STPG2: variants seen among roughly 807,000 people sequenced by gnomAD.
The protein encoded by STPG2 is sperm-tail PG-rich repeat-containing protein 2.
Under a neutral mutation model 54.2 loss-of-function variants are expected in STPG2, and 56 were observed. The ratio of observed to expected loss-of-function variants is 1.03; its 90% CI spans 0.83 to 1.29. STPG2 has a LOEUF of 1.29. Among genes scored for constraint, STPG2 ranks in the 50% most tolerant of loss-of-function variants. The pLI is 0.00. For synonymous variants in STPG2, 200 were observed against 181.8 expected (o/e 1.10, Z -0.81); for missense variants, 596 against 544.9 (o/e 1.09, Z -0.93).
chr4:97,571,578 T>A (rs1028512080), intron 10 of STPG2, among the ~76,000 whole-genome samples: 1 of 152,142 alleles, frequency 6.6e-6, no homozygotes, highest in Non-Finnish European at 1.5e-5. Flanking sequence ...TGATCCCAGG[T>A]CTTTGGATAA....
intron 8 of STPG2, among the ~76,000 whole-genome samples, chr4:97,857,871 T>C (rs181267842): frequency 6.6e-6 from 1 of 152,112 alleles, no homozygotes; most frequent in African/African-American, 2.4e-5. Context: ...TCAAGTAGAC[T>C]TTCTAGAGTT....
chr4:97,594,875 A>C (rs1733242301), intron 10 of STPG2, among the ~76,000 whole-genome samples: 1 of 152,222 alleles, frequency 6.6e-6, no homozygotes, highest in South Asian at 2.1e-4. Context: ...GCCTTCAGAG[A>C]AATGCAAATC....
At chr4:97,823,422 A>G (rs1728147495) in intron 9 of STPG2, among the ~76,000 whole-genome samples, 1 of 152,202 alleles carries the variant, frequency 6.6e-6, no homozygotes, top group Admixed American at 6.5e-5. Context: ...GTGAATGCAC[A>G]TCTGATTACA....
intron 5 of STPG2, among the ~76,000 whole-genome samples, chr4:98,034,567 T>C (rs1271485129): frequency 6.6e-6 from 1 of 152,110 alleles, no homozygotes; most frequent in African/African-American, 2.4e-5. Flanking sequence ...CAAGCTACCA[T>C]TGACATTCTT....
chr4:97,770,299 T>G (rs1726179570), intron 9 of STPG2, among the ~76,000 whole-genome samples: 1 of 151,922 alleles, frequency 6.6e-6, no homozygotes, highest in Admixed American at 6.6e-5. Context: ...AAATGTGCAG[T>G]TATCAGGAAA....
At chr4:97,733,860 T>C (rs927806753) in intron 9 of STPG2, among the ~76,000 whole-genome samples, 1 of 152,212 alleles carries the variant, frequency 6.6e-6, no homozygotes, top group Non-Finnish European at 1.5e-5. Context: ...GTTTACTCGA[T>C]ATTTTGGTTT....
At chr4:97,633,983 G>A (rs895250943) in intron 10 of STPG2, among the ~76,000 whole-genome samples, 1 of 152,190 alleles carries the variant, frequency 6.6e-6, no homozygotes. Flanking sequence ...ACTGGGTGGA[G>A]CCCACCACAG....
intron 5 of STPG2, among the ~76,000 whole-genome samples, chr4:98,070,017 C>G (rs764295820): frequency 3.3e-5 from 5 of 151,986 alleles, no homozygotes; most frequent in African/African-American, 7.3e-5. Flanking sequence ...AGGAGGGACT[C>G]CTACCTGACT....
intron 10 of STPG2, among the ~76,000 whole-genome samples, chr4:97,579,162 A>C (rs555369457): frequency 1.3e-5 from 2 of 152,192 alleles, no homozygotes; most frequent in African/African-American, 4.8e-5. Context: ...GATAATAATA[A>C]TCATTAGTTA....
chr4:97,712,787 CT>C lies in STPG2; in HGVS notation c.1231del (p.Arg411GlyfsTer10). On this transcript the variant is annotated frameshift_variant, in exon 10 of 11. Transcript: ENST00000295268. LOFTEE classifies it high-confidence loss of function. ...AAATAAGGGTATGGGGCAAGATTTCCTTAAAACAGGATTGTATGCTGCAGGA... is the reference window on the plus strand; with the variant it reads ...AAATAAGGGTATGGGGCAAGATTTCCTAAAACAGGATTGTATGCTGCAGGA... ...PGPAAYNPVL[R>X]KSCPIPLFVK... is the part of the protein sequence containing the mutation. The C allele has an allele frequency of 6.2e-7, 1 of 1,607,308 alleles. No individual in the cohort carries two copies. Among genetic ancestry groups the C allele is most frequent in the Non-Finnish European group, 8.5e-7 (1 of 1,175,988 alleles).
At chr4:97,917,386 A>C (rs1174065687) in intron 8 of STPG2, 2 of 152,262 alleles carry the variant, frequency 1.3e-5, no homozygotes, top group Non-Finnish European at 2.9e-5. Flanking sequence ...CACTGCCTGC[A>C]GAGCACTGCC....
chr4:97,949,854 T>C (rs1267225067), intron 7 of STPG2, among the ~76,000 whole-genome samples: 2 of 150,740 alleles, frequency 1.3e-5, no homozygotes, highest in Non-Finnish European at 2.9e-5. Context: ...TAGATGACTA[T>C]ATGCCTTTGT....
intron 4 of STPG2, 21 bp downstream of exon 4, chr4:98,109,170 GTA>G (rs1315771444): frequency 7.3e-7 from 1 of 1,371,044 alleles, no homozygotes; most frequent in Admixed American, 2.0e-5. Flanking sequence ...TACATTAAAG[GTA>G]TACTATATTT....
At chr4:97,961,501 C>T (rs903721509) in intron 7 of STPG2, among the ~76,000 whole-genome samples, 12 of 152,116 alleles carry the variant, frequency 7.9e-5, no homozygotes, top group East Asian at 7.7e-4. Context: ...CAAACTCAAC[C>T]AAATTAGCAA....
At chr4:97,700,188 C>T (rs191796425) in intron 10 of STPG2, among the ~76,000 whole-genome samples, 188 of 152,296 alleles carry the variant, frequency 1.2e-3, no homozygotes, top group South Asian at 6.4e-3. Flanking sequence ...AGGCTCCAGT[C>T]ATCATCCCTA....
chr4:97,937,315 G>C (rs553073333), intron 8 of STPG2, among the ~76,000 whole-genome samples: 3 of 152,040 alleles, frequency 2.0e-5, no homozygotes, highest in African/African-American at 7.2e-5. Flanking sequence ...TTTGCATTGG[G>C]TTAGAACATG....
intron 3 of STPG2, among the ~76,000 whole-genome samples, chr4:98,123,644 C>T (rs533349911): frequency 1.3e-5 from 2 of 152,138 alleles, no homozygotes; most frequent in African/African-American, 2.4e-5. Context: ...CATGTAGTGC[C>T]GAGAAGAACG....
intron 8 of STPG2, among the ~76,000 whole-genome samples, chr4:97,938,288 A>G (rs1426858123): frequency 6.6e-6 from 1 of 152,204 alleles, no homozygotes; most frequent in African/African-American, 2.4e-5. Context: ...GCTGCTGCCC[A>G]GCACCCCCAA....
At chr4:97,979,356 T>G (rs1226109718) in intron 6 of STPG2, among the ~76,000 whole-genome samples, 1 of 152,082 alleles carries the variant, frequency 6.6e-6, no homozygotes, top group Non-Finnish European at 1.5e-5. Flanking sequence ...ATCAAGGAAA[T>G]GCTAACATGT....
Sources: allele counts gnomAD v4.1 joint callset (sites outside exome capture counted in the v4.1 genomes callset), GRCh38; gene constraint gnomAD v4.1.1; transcripts MANE v1.5; gene names NCBI Gene and HGNC (gene_info 2026-07-23, HGNC 2026-07-21).